Variants in SHANK2 observed in about 807,000 individuals in gnomAD.
The protein encoded by SHANK2 is SH3 and multiple ankyrin repeat domains 2.
A neutral mutation model predicts 133.7 loss-of-function variants in SHANK2; 43 were observed. The observed-to-expected ratio is 0.32, with a 90% CI of 0.25 to 0.41. The LOEUF (loss-of-function observed/expected upper bound fraction) is 0.41, where lower values mean the gene tolerates loss of function less well. Among genes scored for constraint, SHANK2 ranks in the 10% least tolerant of loss-of-function variants. The probability of loss-of-function intolerance (pLI) is 1.00; values close to 1 mark genes in which losing one functional copy is unlikely to be tolerated. For synonymous variants in SHANK2, 1,017 were observed against 952.8 expected, an observed-to-expected ratio of 1.07 and a Z score of -1.24; for missense variants, 1,994 against 2,235.8, an observed-to-expected ratio of 0.89 and a Z score of 2.18.
chr11:70,798,228 A>G (rs1947961359), intron 14 of SHANK2, among the ~76,000 whole-genome samples: 1 of 152,188 alleles, frequency 6.6e-6, no homozygotes. Flanking sequence ...TTTAACTAAA[A>G]GCTTCCACAC....
Position 70,500,717 on chromosome 11 carries a change from G to T in SHANK2, c.2288-127C>A, listed in dbSNP as rs1555158264. 1 of 1,288,398 alleles carries T rather than the reference G, an allele frequency of 7.8e-7. No homozygotes were observed. Among genetic ancestry groups the T allele is most frequent in the African/African-American group, 1.5e-5 (1 of 68,072 alleles). 79.8% of individuals were successfully genotyped at this position (1,288,398 alleles called of 1,614,324 possible). On this transcript the variant is annotated intron_variant, in intron 20 of 25. Transcript: ENST00000601538. This position sits in a 1 kb window ranked among gnomAD's most constrained non-coding sequence, Gnocchi z 4.5. ...GGGCCGGCAATGGGGCGGCAGGCAGGGGCTGTCTGGAACGCTGCGAACGCA... is the reference window on the plus strand; with the variant it reads ...GGGCCGGCAATGGGGCGGCAGGCAGTGGCTGTCTGGAACGCTGCGAACGCA...
rs1191676683 is a variant in SHANK2, at chr11:70,882,938, G to A, written c.1174+13563C>T. On this transcript the variant is annotated intron_variant, in intron 11 of 25. Transcript: ENST00000601538. The surrounding 1 kb of genome is among the most constrained non-coding windows in gnomAD (Gnocchi z 4.2). ...GCAGGAGGCAGGTGGAGGTGAGGGC[G>A]GGCTTGCCTGCGGCCTGTGGGAGGG... Among the ~76,000 whole-genome samples the A allele has an allele frequency of 1.3e-5, 2 of 152,146 alleles. No individual in the cohort carries two copies. The highest frequency in any genetic ancestry group is 2.4e-5 in the African/African-American group (1 of 41,434).
At chr11:70,643,560 C>A (rs1436087128) in intron 17 of SHANK2, among the ~76,000 whole-genome samples, 5 of 139,316 alleles carry the variant, frequency 3.6e-5, no homozygotes, top group Non-Finnish European at 6.1e-5. Flanking sequence ...AGTGAGACTC[C>A]GTCTCGGAAA....
chr11:71,211,251 C>T (rs1017330317), intron 2 of SHANK2, among the ~76,000 whole-genome samples: 1 of 135,548 alleles, frequency 7.4e-6, no homozygotes, highest in Non-Finnish European at 1.5e-5. Flanking sequence ...TACACATCAT[C>T]GAATTCACTC....
chr11:70,678,137 T>C (rs1555017641), intron 15 of SHANK2, among the ~76,000 whole-genome samples: 1 of 152,192 alleles, frequency 6.6e-6, no homozygotes. Context: ...TTCTTGTTCT[T>C]TTGTTGTGTT....
At chr11:71,068,379 C>A (rs1951096378) in intron 9 of SHANK2, among the ~76,000 whole-genome samples, 1 of 152,198 alleles carries the variant, frequency 6.6e-6, no homozygotes. Context: ...AGCTCAAGGG[C>A]TGTAAGACTC....
intron 17 of SHANK2, among the ~76,000 whole-genome samples, chr11:70,642,199 G>C (rs150804825): frequency 6.6e-6 from 1 of 152,188 alleles, no homozygotes; most frequent in Non-Finnish European, 1.5e-5. Context: ...TACTTGCTGC[G>C]CTGCGCCCTG....
chr11:70,539,940 G>T (rs1452654686), intron 17 of SHANK2, among the ~76,000 whole-genome samples: 1 of 152,142 alleles, frequency 6.6e-6, no homozygotes, highest in Non-Finnish European at 1.5e-5. Context: ...TGGCTGGCAA[G>T]CCTTGGTGTC....
At chr11:70,613,718 G>A (rs1195619451) in intron 17 of SHANK2, among the ~76,000 whole-genome samples, 1 of 150,646 alleles carries the variant, frequency 6.6e-6, no homozygotes, top group Non-Finnish European at 1.5e-5. Flanking sequence ...AGTAGGGTGG[G>A]CCCTACATCC....
intron 13 of SHANK2, among the ~76,000 whole-genome samples, chr11:70,805,146 G>T (rs888755261): frequency 3.3e-5 from 5 of 152,182 alleles, no homozygotes; most frequent in Non-Finnish European, 7.3e-5. Flanking sequence ...TAACCTGGCT[G>T]CCCTACAGGA....
chr11:70,601,856 A>G (rs1217787807), intron 17 of SHANK2, among the ~76,000 whole-genome samples: 1 of 152,256 alleles, frequency 6.6e-6, no homozygotes, highest in East Asian at 1.9e-4. Flanking sequence ...CCAGATTGAC[A>G]AAAGCTGCCA....
At chr11:70,663,300 G>T (rs1944611699) in intron 15 of SHANK2, among the ~76,000 whole-genome samples, 1 of 152,192 alleles carries the variant, frequency 6.6e-6, no homozygotes, top group Non-Finnish European at 1.5e-5. Context: ...CAGCCAGCTG[G>T]TGACAGCACA....
At chr11:70,515,651 A>C (rs2059255502) in intron 17 of SHANK2, among the ~76,000 whole-genome samples, 1 of 150,964 alleles carries the variant, frequency 6.6e-6, no homozygotes, top group East Asian at 1.9e-4. Context: ...AAAAAAAAAA[A>C]AAAAAAAAAC....
intron 2 of SHANK2, among the ~76,000 whole-genome samples, chr11:71,152,530 C>A (rs1167358893): frequency 6.6e-6 from 1 of 152,224 alleles, no homozygotes; most frequent in Admixed American, 6.5e-5. Flanking sequence ...CAAGGAGGGG[C>A]TCCTGAGGCC....
At chr11:71,247,612 G>A (rs1220983653) in intron 1 of SHANK2, among the ~76,000 whole-genome samples, 2 of 152,058 alleles carry the variant, frequency 1.3e-5, no homozygotes, top group Non-Finnish European at 2.9e-5. Flanking sequence ...GGGGTCTCTG[G>A]TGAGGCCTTT....
At chr11:71,082,949 C>G (rs937643041) in intron 8 of SHANK2, among the ~76,000 whole-genome samples, 23 of 148,696 alleles carry the variant, frequency 1.5e-4, no homozygotes, top group South Asian at 1.3e-3. Flanking sequence ...GCCCGCCCCC[C>G]CCCCAACCCT....
intron 10 of SHANK2, among the ~76,000 whole-genome samples, chr11:70,949,435 G>A (rs1045929847): frequency 3.9e-5 from 6 of 152,232 alleles, no homozygotes; most frequent in African/African-American, 1.4e-4. Flanking sequence ...GTCATGTGGG[G>A]AGACGTCCTC....
chr11:70,483,988 GA>G (rs554132847), intron 25 of SHANK2, among the ~76,000 whole-genome samples: 136 of 152,336 alleles, frequency 8.9e-4, no homozygotes, highest in African/African-American at 3.2e-3. Context: ...TTAATGCACT[GA>G]GTGGCTTAAA....
At position 70,871,327 on chromosome 11, in the gene SHANK2, G is replaced by A. The variant is rs188129582; in HGVS notation, c.1174+25174C>T. On this transcript the variant is annotated intron_variant, in intron 11 of 25. Transcript: ENST00000601538. The stretch of plus-strand genomic sequence containing the variant: ...GGGTCCAAGAGGAGGTCCAGGGAGC[G>A]CTCTGCAAGCCACCAGCCCCGAAGA... Among the ~76,000 whole-genome samples, 31 of 152,328 alleles carry A rather than the reference G, an allele frequency of 2.0e-4. No homozygotes were observed. In the East Asian group the frequency reaches 2.9e-3, roughly 14 times the overall value.
Sources: gnomAD v4.1 joint callset for allele counts (sites outside exome capture counted in the v4.1 genomes callset) on GRCh38, gnomAD v4.1.1 for gene constraint, Gnocchi (gnomAD v3.1) non-coding constraint, MANE v1.5 for transcripts, NCBI Gene and HGNC (gene_info 2026-07-23, HGNC 2026-07-21) for gene names.